The following DENND5B variants were observed in gnomAD, a reference collection of about 807,000 sequenced individuals.
DENND5B encodes the protein DENN domain-containing protein 5B.
DENND5B carries 34 observed loss-of-function variants against 140.6 expected under a neutral mutation model. The ratio of observed to expected loss-of-function variants is 0.24; its 90% CI spans 0.18 to 0.32. The LOEUF (loss-of-function observed/expected upper bound fraction) is 0.32. Ranked by LOEUF, DENND5B falls within the 10% of genes least tolerant of loss-of-function variation. DENND5B has a pLI of 1.00. For synonymous variants in DENND5B, 551 were observed against 562.1 expected (o/e 0.98, Z 0.28); for missense variants, 1,142 against 1,560.2 (o/e 0.73, Z 4.52).
intron 1 of DENND5B, among the ~76,000 whole-genome samples, chr12:31,573,306 A>G (rs116520553): frequency 6.6e-6 from 1 of 152,362 alleles, no homozygotes; most frequent in East Asian, 1.9e-4. Context: ...CCTCTTCTAC[A>G]TTTGAAAAAA....
At chr12:31,479,286 T>G (rs1464891669) in intron 3 of DENND5B, among the ~76,000 whole-genome samples, 1 of 152,246 alleles carries the variant, frequency 6.6e-6, no homozygotes. Flanking sequence ...AAAAAATGTT[T>G]TCTTAATGAC....
intron 1 of DENND5B, among the ~76,000 whole-genome samples, chr12:31,565,837 G>A (rs1949607320): frequency 2.0e-5 from 3 of 152,058 alleles, no homozygotes; most frequent in Admixed American, 2.0e-4. Context: ...ATATTTGACT[G>A]GCTATAAAAA....
intron 13 of DENND5B, among the ~76,000 whole-genome samples, chr12:31,412,606 A>T (rs1445857881): frequency 6.6e-6 from 1 of 152,172 alleles, no homozygotes; most frequent in East Asian, 1.9e-4. Context: ...CCCTCGGCTC[A>T]TCTCCTGCTG....
chr12:31,578,802 T>C (rs994703314), intron 1 of DENND5B, among the ~76,000 whole-genome samples: 7 of 152,216 alleles, frequency 4.6e-5, no homozygotes, highest in African/African-American at 1.7e-4. Flanking sequence ...AAAGGCTAGT[T>C]TGCAGCCAGA....
intron 7 of DENND5B, among the ~76,000 whole-genome samples, chr12:31,436,185 C>T (rs1376412145): frequency 4.0e-5 from 6 of 150,128 alleles, no homozygotes; most frequent in Admixed American, 1.3e-4. Context: ...CTGCAACCTC[C>T]GTCTCCCGGG....
At chr12:31,433,126 G>C in intron 8 of DENND5B, 29 bp downstream of exon 8, 1 of 1,599,406 alleles carries the variant, frequency 6.3e-7, no homozygotes, top group African/African-American at 1.3e-5. Context: ...CGCTTGCTGT[G>C]AGGCACCCCA....
At chr12:31,584,340 C>T (rs1033757037) in intron 1 of DENND5B, among the ~76,000 whole-genome samples, 2 of 152,188 alleles carry the variant, frequency 1.3e-5, no homozygotes, top group Non-Finnish European at 2.9e-5. Context: ...CAAAATGGGC[C>T]ATAAGCCTGA....
At chr12:31,430,046 A>G (rs1394168476) in intron 8 of DENND5B, among the ~76,000 whole-genome samples, 1 of 151,342 alleles carries the variant, frequency 6.6e-6, no homozygotes, top group Non-Finnish European at 1.5e-5. Context: ...TTTTTGAGAC[A>G]GAGTCTTGGT....
rs1940670910 is a variant in DENND5B, at chr12:31,382,367, T to C, written c.*5236A>G. 6.6e-6 allele frequency: 1 copy of C among 152,172 alleles called. No homozygotes were observed. Among genetic ancestry groups the C allele is most frequent in the African/African-American group, 2.4e-5 (1 of 41,452 alleles). The allele number at this position is 152,172 out of a possible 1,614,324, so 9.4% of individuals were successfully genotyped here. On this transcript the variant is annotated 3_prime_UTR_variant, in exon 21 of 21. Coordinates refer to ENST00000389082, the MANE Select transcript of DENND5B (RefSeq NM_144973.4). ...TATCACAATACTCTTTCAAATTTTA[T>C]ATTATGTTCAGATGAGAAAAAAAAT...
chr12:31,433,233 C>A lies in DENND5B; in HGVS notation c.2028G>T (p.Arg676=). 1 of 1,610,820 alleles carries A rather than the reference C, an allele frequency of 6.2e-7. No individual in the cohort carries two copies. Among genetic ancestry groups the A allele is most frequent in the Non-Finnish European group, 8.5e-7 (1 of 1,178,958 alleles). The part of the protein sequence containing the change: ...GPTSNNRWVS[R]SATAQRRKER... Reference sequence around the variant, plus strand: ...CTTTCCTGCGCTGTGCAGTGGCACTCCGACTTACCCAGCGACTGAAACAAT... The same window carrying A: ...CTTTCCTGCGCTGTGCAGTGGCACTACGACTTACCCAGCGACTGAAACAAT... Residue 676 remains arginine (R), a synonymous_variant, in exon 8 of 21, where the codon CGG becomes CGT. Transcript: ENST00000389082.
At chr12:31,486,919 AT>A (rs1349625292) in intron 2 of DENND5B, among the ~76,000 whole-genome samples, 12 of 152,220 alleles carry the variant, frequency 7.9e-5, no homozygotes, top group African/African-American at 2.2e-4. Context: ...AAACATACAC[AT>A]TACTAGTATT....
At chr12:31,466,130 G>A (rs561214290) in intron 3 of DENND5B, among the ~76,000 whole-genome samples, 22 of 152,174 alleles carry the variant, frequency 1.4e-4, no homozygotes, top group Admixed American at 3.9e-4. Flanking sequence ...CAAGGCGGGC[G>A]GATCACAAGG....
At chr12:31,408,654 C>T (rs932304070) in intron 14 of DENND5B, among the ~76,000 whole-genome samples, 150 of 138,998 alleles carry the variant, frequency 1.1e-3, no homozygotes, top group Middle Eastern at 3.8e-3. Context: ...AAAAAAAATT[C>T]TCCAATCAGC....
At chr12:31,478,654 T>C (rs1163180686) in intron 3 of DENND5B, among the ~76,000 whole-genome samples, 11 of 152,106 alleles carry the variant, frequency 7.2e-5, no homozygotes, top group Non-Finnish European at 8.8e-5. Flanking sequence ...TGACCCATGA[T>C]TGCACTACTG....
At chr12:31,430,450 G>A (rs977560995) in intron 8 of DENND5B, among the ~76,000 whole-genome samples, 3 of 129,118 alleles carry the variant, frequency 2.3e-5, no homozygotes, top group East Asian at 2.4e-4. Flanking sequence ...TCAAGAGATC[G>A]AGACCATCCT....
intron 1 of DENND5B, among the ~76,000 whole-genome samples, chr12:31,559,352 T>C (rs989813665): frequency 6.6e-6 from 1 of 152,212 alleles, no homozygotes; most frequent in Non-Finnish European, 1.5e-5. Flanking sequence ...AGTCCAGAAT[T>C]AGTTAATCTA....
At chr12:31,399,891 A>AT in intron 15 of DENND5B, 119 bp from the exon 16 acceptor site, 1 of 671,172 alleles carries the variant, frequency 1.5e-6, no homozygotes. Flanking sequence ...TGCATAATGT[A>AT]TTCAGCTATG....
intron 3 of DENND5B, among the ~76,000 whole-genome samples, chr12:31,472,689 C>A (rs549916782): frequency 6.6e-6 from 1 of 152,106 alleles, no homozygotes; most frequent in Admixed American, 6.6e-5. Flanking sequence ...CAAATCTGCT[C>A]TATTTGCCCC....
intron 2 of DENND5B, among the ~76,000 whole-genome samples, chr12:31,488,966 C>T (rs1293470731): frequency 2.6e-5 from 4 of 152,152 alleles, no homozygotes; most frequent in Non-Finnish European, 5.9e-5. Flanking sequence ...CAGTTTGAGT[C>T]AGCAAATGTT....
Sources: gnomAD v4.1 joint callset for allele counts (sites outside exome capture counted in the v4.1 genomes callset) on GRCh38, gnomAD v4.1.1 for gene constraint, MANE v1.5 for transcripts, NCBI Gene and HGNC (gene_info 2026-07-23, HGNC 2026-07-21) for gene names.